SORCS3: variants seen among roughly 807,000 people sequenced by gnomAD.
The protein encoded by SORCS3 is VPS10 domain-containing receptor SorCS3.
Under a neutral mutation model 146.3 loss-of-function variants are expected in SORCS3, and 57 were observed. The ratio of observed to expected loss-of-function variants is 0.39; its 90% CI spans 0.31 to 0.49. The LOEUF is 0.49. Ranked by LOEUF, SORCS3 falls within the 20% of genes least tolerant of loss-of-function variation. The pLI is 0.92. For missense variants in SORCS3, 1,341 were observed against 1,575.5 expected, an observed-to-expected ratio of 0.85 and a Z score of 2.52; for synonymous variants, 653 against 618.5, an observed-to-expected ratio of 1.06 and a Z score of -0.83.
Position 104,909,116 on chromosome 10 carries a change from G to C in SORCS3, c.696-6717G>C, listed in dbSNP as rs113818719. ...AGCACCACCAAATCATACCCCTCCT[G>C]CTTTTGCAAAAGCACCCTTTCATTT... On this transcript the variant is annotated intron_variant, in intron 2 of 26. Transcript: ENST00000369701. 1.7e-4 allele frequency among the ~76,000 whole-genome samples: 26 copies of C among 152,112 alleles called. 1 individual carries two copies. Among genetic ancestry groups the C allele is most frequent in the Admixed American group, 1.4e-3 (22 of 15,270 alleles).
chr10:104,865,377 C>A (rs1423694458), intron 2 of SORCS3, among the ~76,000 whole-genome samples: 1 of 152,156 alleles, frequency 6.6e-6, no homozygotes, highest in African/African-American at 2.4e-5. Context: ...CAATCTCTTC[C>A]TTTTTGAACT....
chr10:104,966,662 T>A (rs1222578290), intron 3 of SORCS3, among the ~76,000 whole-genome samples: 2 of 152,144 alleles, frequency 1.3e-5, no homozygotes, highest in East Asian at 3.9e-4. Flanking sequence ...GGAAATAGAA[T>A]AGGCAACTGA....
intron 1 of SORCS3, among the ~76,000 whole-genome samples, chr10:104,778,850 T>C (rs2017341636): frequency 6.6e-6 from 1 of 152,078 alleles, no homozygotes; most frequent in African/African-American, 2.4e-5. Context: ...GGTCCACATC[T>C]CCACTCCTGG....
At chr10:104,815,967 C>T (rs2017793173) in intron 1 of SORCS3, among the ~76,000 whole-genome samples, 1 of 152,140 alleles carries the variant, frequency 6.6e-6, no homozygotes, top group Admixed American at 6.5e-5. Flanking sequence ...GAATATGTCC[C>T]TGCTATTGGT....
intron 25 of SORCS3, 90 bp downstream of exon 25, chr10:105,257,014 G>T (rs555100488): frequency 1.9e-5 from 17 of 912,076 alleles, no homozygotes; most frequent in Middle Eastern, 2.4e-4. Context: ...CTCATCGCAA[G>T]AATGTGATTT....
chr10:104,652,475 G>A (rs567396687), intron 1 of SORCS3, among the ~76,000 whole-genome samples: 2 of 152,286 alleles, frequency 1.3e-5, no homozygotes, highest in South Asian at 4.1e-4. Flanking sequence ...AGAATAGGGG[G>A]TGATATGAAC....
Position 104,681,229 on chromosome 10 carries a change from G to A in SORCS3, c.627+39275G>A, listed in dbSNP as rs201233166. ...AAACCCACTTTCTGGAGAGGCGGTT[G>A]CTTTTTCCAGCCTGAGAGATGAGAG... is the stretch of plus-strand genomic sequence containing the variant. On this transcript the variant is annotated intron_variant, in intron 1 of 26. Transcript: ENST00000369701. Among the ~76,000 whole-genome samples, 122 of 152,332 alleles carry A rather than the reference G, an allele frequency of 8.0e-4. No homozygotes were observed. The East Asian group carries it at 0.02, about 25-fold the overall frequency.
chr10:104,997,052 G>A (rs915287100), intron 4 of SORCS3, among the ~76,000 whole-genome samples: 6 of 152,160 alleles, frequency 3.9e-5, no homozygotes, highest in Admixed American at 1.3e-4. Flanking sequence ...AAATAAACTT[G>A]TGAAGGTGGA....
intron 20 of SORCS3, among the ~76,000 whole-genome samples, chr10:105,242,875 AT>A (rs1236665962): frequency 9.3e-5 from 10 of 107,630 alleles, no homozygotes; most frequent in Non-Finnish European, 1.3e-4. Flanking sequence ...ATTTTTATAT[AT>A]AAATTATATA....
At chr10:105,246,572 T>A (rs2056867691) in intron 21 of SORCS3, among the ~76,000 whole-genome samples, 1 of 152,196 alleles carries the variant, frequency 6.6e-6, no homozygotes, top group Admixed American at 6.5e-5. Flanking sequence ...TCACACCAGG[T>A]AAATTCTTTT....
intron 1 of SORCS3, among the ~76,000 whole-genome samples, chr10:104,756,788 T>C (rs1186429984): frequency 1.3e-5 from 2 of 152,214 alleles, no homozygotes; most frequent in African/African-American, 4.8e-5. Context: ...TACCTCTCTT[T>C]AGAAGTTGCT....
At chr10:104,752,234 C>T (rs369757738) in intron 1 of SORCS3, among the ~76,000 whole-genome samples, 46 of 151,928 alleles carry the variant, frequency 3.0e-4, no homozygotes, top group African/African-American at 1.0e-3. Context: ...TGGGGTTTCA[C>T]CACGTTGGCC....
intron 14 of SORCS3, among the ~76,000 whole-genome samples, chr10:105,188,124 A>C (rs539811984): frequency 6.6e-6 from 1 of 152,252 alleles, no homozygotes; most frequent in East Asian, 1.9e-4. Flanking sequence ...CCCTGGCTTC[A>C]GTTTGATTTT....
At chr10:104,758,138 G>T (rs2133474402) in intron 1 of SORCS3, among the ~76,000 whole-genome samples, 1 of 152,282 alleles carries the variant, frequency 6.6e-6, no homozygotes, top group South Asian at 2.1e-4. Context: ...AGGAGAAAGG[G>T]TCTGAGATCT....
intron 1 of SORCS3, among the ~76,000 whole-genome samples, chr10:104,685,611 T>C (rs1276721776): frequency 6.6e-6 from 1 of 152,212 alleles, no homozygotes; most frequent in East Asian, 1.9e-4. Context: ...GCATTAGTTT[T>C]CTAGCCTAAG....
intron 20 of SORCS3, among the ~76,000 whole-genome samples, chr10:105,240,651 T>C (rs1222839402): frequency 6.6e-6 from 1 of 152,202 alleles, no homozygotes; most frequent in Non-Finnish European, 1.5e-5. Flanking sequence ...ATTTTTTTTA[T>C]ACTTTTAGCC....
intron 8 of SORCS3, among the ~76,000 whole-genome samples, chr10:105,141,605 T>A (rs1418626507): frequency 6.6e-6 from 1 of 152,176 alleles, no homozygotes; most frequent in Non-Finnish European, 1.5e-5. Context: ...CCTGGGGTAC[T>A]CCATAGCTTT....
At chr10:105,094,840 G>A (rs2055734556) in intron 6 of SORCS3, among the ~76,000 whole-genome samples, 1 of 152,206 alleles carries the variant, frequency 6.6e-6, no homozygotes, top group Admixed American at 6.5e-5. Flanking sequence ...AGAATCATGA[G>A]AGGTGGTATG....
At chr10:105,093,008 T>G (rs191329473) in intron 6 of SORCS3, among the ~76,000 whole-genome samples, 1 of 152,214 alleles carries the variant, frequency 6.6e-6, no homozygotes, top group Non-Finnish European at 1.5e-5. Context: ...ACAATTCATA[T>G]AGACTGCAAA....
Sources: gnomAD v4.1 joint callset for allele counts (sites outside exome capture counted in the v4.1 genomes callset) on GRCh38, gnomAD v4.1.1 for gene constraint, MANE v1.5 for transcripts, NCBI Gene and HGNC (gene_info 2026-07-23, HGNC 2026-07-21) for gene names.